TMED3: variants seen among roughly 807,000 people sequenced by gnomAD.
TMED3 encodes transmembrane p24 trafficking protein 3, also known as transmembrane emp24 domain-containing protein 3.
Under a neutral mutation model 15.0 loss-of-function variants are expected in TMED3, and 9 were observed. That is an observed-to-expected ratio of 0.60 (90% CI 0.36 to 1.04). The LOEUF (loss-of-function observed/expected upper bound fraction) is 1.04, where lower values mean the gene tolerates loss of function less well. Among genes scored for constraint, TMED3 ranks in the 50% least tolerant of loss-of-function variants. The pLI, the probability that TMED3 is intolerant of heterozygous loss-of-function variation, is 0.01. For missense variants in TMED3, 267 were observed against 278.9 expected (o/e 0.96, Z 0.30); for synonymous variants, 117 against 121.4 (o/e 0.96, Z 0.24).
At chr15:79,321,260 G>A (rs1369442254) in intron 2 of TMED3, among the ~76,000 whole-genome samples, 1 of 152,162 alleles carries the variant, frequency 6.6e-6, no homozygotes. Context: ...CTGGAATTAG[G>A]GCGGGGGACC....
intron 2 of TMED3, among the ~76,000 whole-genome samples, chr15:79,353,270 A>T (rs1402040652): frequency 1.6e-5 from 1 of 62,280 alleles, no homozygotes; most frequent in Non-Finnish European, 2.7e-5. Context: ...TATTATATAT[A>T]ATATATATAA....
At chr15:79,398,599 T>C (rs1214749766) in intron 2 of TMED3, among the ~76,000 whole-genome samples, 1 of 152,110 alleles carries the variant, frequency 6.6e-6, no homozygotes. Context: ...TGATCAGTCA[T>C]GCAGAGTTAG....
At chr15:79,404,250 T>C (rs972923241) in intron 2 of TMED3, among the ~76,000 whole-genome samples, 1 of 152,220 alleles carries the variant, frequency 6.6e-6, no homozygotes, top group African/African-American at 2.4e-5. Context: ...GAGGGGCCTA[T>C]TGTAATCATC....
intron 2 of TMED3, among the ~76,000 whole-genome samples, chr15:79,394,024 T>C (rs1893732224): frequency 6.6e-6 from 1 of 152,164 alleles, no homozygotes; most frequent in South Asian, 2.1e-4. Context: ...TTCTCCTTTC[T>C]ACCTCTAATT....
intron 2 of TMED3, among the ~76,000 whole-genome samples, chr15:79,395,441 A>G (rs947327212): frequency 4.6e-5 from 7 of 152,194 alleles, no homozygotes; most frequent in African/African-American, 1.7e-4. Flanking sequence ...TGGGCCTCCC[A>G]AAGTGTTGGG....
At chr15:79,328,410 A>G (rs2058795214) in intron 2 of TMED3, among the ~76,000 whole-genome samples, 1 of 152,230 alleles carries the variant, frequency 6.6e-6, no homozygotes, top group African/African-American at 2.4e-5. Context: ...TATTAACTAA[A>G]ATTTATCTAT....
At chr15:79,324,935 G>A (rs1208390740), downstream of TMED3, among the ~76,000 whole-genome samples, 1 of 152,194 alleles carries the variant, frequency 6.6e-6, no homozygotes, top group Non-Finnish European at 1.5e-5. Context: ...TGTAAAATGA[G>A]CAGAAGGGAG....
intron 2 of TMED3, among the ~76,000 whole-genome samples, chr15:79,410,092 C>A (rs1019359137): frequency 3.3e-5 from 5 of 152,054 alleles, no homozygotes; most frequent in Admixed American, 1.3e-4. Flanking sequence ...GCCACCTATT[C>A]ATTAAGTAAA....
intron 2 of TMED3, among the ~76,000 whole-genome samples, chr15:79,333,370 C>T (rs1317717288): frequency 1.3e-5 from 2 of 152,204 alleles, no homozygotes; most frequent in South Asian, 2.1e-4. Flanking sequence ...CCTCCCTGCT[C>T]ACCACCAAAC....
intron 1 of TMED3, among the ~76,000 whole-genome samples, chr15:79,312,639 C>T (rs575990712): frequency 6.6e-6 from 1 of 152,142 alleles, no homozygotes; most frequent in Non-Finnish European, 1.5e-5. Flanking sequence ...TAGCCATTGC[C>T]TACCTGTGAG....
At chr15:79,372,852 C>G (rs1337366876) in intron 2 of TMED3, among the ~76,000 whole-genome samples, 1 of 152,190 alleles carries the variant, frequency 6.6e-6, no homozygotes, top group Non-Finnish European at 1.5e-5. Context: ...TTAGAATTCT[C>G]CTTTCTTATC....
At chr15:79,325,093 A>G (rs1380991966), downstream of TMED3, among the ~76,000 whole-genome samples, 2 of 152,204 alleles carry the variant, frequency 1.3e-5, no homozygotes, top group Admixed American at 6.5e-5. Context: ...CACATAGGAA[A>G]CAGAATCTCC....
chr15:79,360,137 C>G (rs74879771), intron 2 of TMED3, among the ~76,000 whole-genome samples: 2,451 of 152,254 alleles, frequency 0.016, 90 homozygotes, highest in East Asian at 0.11. Flanking sequence ...GGGCAGGTAG[C>G]CATGGGATCC....
At chr15:79,352,880 T>TAC (rs2058897143) in intron 2 of TMED3, among the ~76,000 whole-genome samples, 2 of 107,624 alleles carry the variant, frequency 1.9e-5, no homozygotes, top group Non-Finnish European at 3.7e-5. Context: ...ATATAAAATA[T>TAC]ACATATAATA....
intron 2 of TMED3, among the ~76,000 whole-genome samples, chr15:79,329,157 G>A (rs1220088425): frequency 1.3e-5 from 2 of 152,204 alleles, no homozygotes; most frequent in Non-Finnish European, 2.9e-5. Flanking sequence ...ATTTTCTTCT[G>A]TGATTTTCTC....
At chr15:79,323,485 C>G (rs1470506917), downstream of TMED3, among the ~76,000 whole-genome samples, 1 of 152,088 alleles carries the variant, frequency 6.6e-6, no homozygotes, top group Non-Finnish European at 1.5e-5. Flanking sequence ...GAATTAAGTA[C>G]TGGGTATATA....
chr15:79,373,911 A>G (rs1893385267), intron 2 of TMED3, among the ~76,000 whole-genome samples: 1 of 152,204 alleles, frequency 6.6e-6, no homozygotes, highest in Non-Finnish European at 1.5e-5. Flanking sequence ...GAAGAGTTGA[A>G]ATCAGCAGGA....
chr15:79,339,938 G>C (rs1366727084), intron 2 of TMED3, among the ~76,000 whole-genome samples: 1 of 151,868 alleles, frequency 6.6e-6, no homozygotes, highest in Non-Finnish European at 1.5e-5. Flanking sequence ...TGTGTGTAGA[G>C]AGCAGTGTTA....
At chr15:79,343,468 A>G (rs1477960791) in intron 2 of TMED3, among the ~76,000 whole-genome samples, 3 of 152,218 alleles carry the variant, frequency 2.0e-5, no homozygotes, top group Non-Finnish European at 2.9e-5. Context: ...GTAGTATTTT[A>G]TGCTATGGAT....
Sources: gnomAD v4.1 joint callset for allele counts (sites outside exome capture counted in the v4.1 genomes callset) on GRCh38, gnomAD v4.1.1 for gene constraint, MANE v1.5 for transcripts, NCBI Gene and HGNC (gene_info 2026-07-23, HGNC 2026-07-21) for gene names.